The following ULK4 variants were observed in gnomAD, a reference collection of about 807,000 sequenced individuals.
ULK4 encodes the protein inactive serine/threonine-protein kinase ULK4.
In ULK4, 133 loss-of-function variants were observed where a neutral mutation model predicts 160.6. The ratio of observed to expected loss-of-function variants is 0.83; its 90% CI spans 0.72 to 0.96. The LOEUF (loss-of-function observed/expected upper bound fraction) is 0.96. ULK4 is among the 40% of genes least tolerant of loss of function. ULK4 has a pLI of 0.00. For synonymous variants in ULK4, 534 were observed against 539.8 expected (o/e 0.99, Z 0.15); for missense variants, 1,580 against 1,499.5 (o/e 1.05, Z -0.89).
Position 41,754,458 on chromosome 3 carries a change from C to T in ULK4, c.2224G>A (p.Asp742Asn). The change falls in exon 22 of 37, where the codon GAC becomes AAC. Residue 742 changes from aspartate (D) to asparagine (N), a missense_variant. Physicochemically the swap from Asp to Asn is conservative, Grantham distance 23. Transcript: ENST00000301831. ...GFVSTIIRLL[D>N]SPSTCIRAKA... ...GCTCTAATGCATGTTGAGGGGCTGTCAAGTAAACGGATAATTGTGGAGACA... is the reference window on the plus strand; with the variant it reads ...GCTCTAATGCATGTTGAGGGGCTGTTAAGTAAACGGATAATTGTGGAGACA... 1 of 1,613,180 alleles carries T rather than the reference C, an allele frequency of 6.2e-7. No homozygotes were observed. The highest frequency in any genetic ancestry group is 8.5e-7 in the Non-Finnish European group (1 of 1,179,614).
At chr3:41,908,327 A>G (rs775959421) in intron 11 of ULK4, among the ~76,000 whole-genome samples, 4 of 152,238 alleles carry the variant, frequency 2.6e-5, no homozygotes, top group South Asian at 2.1e-4. Context: ...CCTATTTAAA[A>G]TAAGTAACAA....
At chr3:41,944,079 C>T (rs1700041706) in intron 2 of ULK4, among the ~76,000 whole-genome samples, 1 of 152,142 alleles carries the variant, frequency 6.6e-6, no homozygotes, top group Admixed American at 6.5e-5. Flanking sequence ...TCCTGGAAAA[C>T]ACTTAATGGG....
At chr3:41,623,366 T>C (rs2033345647) in intron 30 of ULK4, among the ~76,000 whole-genome samples, 1 of 152,082 alleles carries the variant, frequency 6.6e-6, no homozygotes, top group Admixed American at 6.6e-5. Flanking sequence ...TACCAAAGAC[T>C]GAAGCACTTA....
chr3:41,474,809 A>AATG (rs2084089949), intron 32 of ULK4, among the ~76,000 whole-genome samples: 1 of 121,346 alleles, frequency 8.2e-6, no homozygotes, highest in Admixed American at 8.0e-5. Flanking sequence ...CATCTGTCAG[A>AATG]ATGATTATTA....
chr3:41,559,319 A>G (rs1442914886), intron 32 of ULK4, among the ~76,000 whole-genome samples: 2 of 130,894 alleles, frequency 1.5e-5, no homozygotes, highest in African/African-American at 2.6e-5. Context: ...TATTGTGAAT[A>G]GTGCTGCAAT....
intron 4 of ULK4, among the ~76,000 whole-genome samples, chr3:41,933,758 T>A (rs1266629400): frequency 6.6e-6 from 1 of 150,440 alleles, no homozygotes; most frequent in Admixed American, 6.6e-5. Flanking sequence ...AAAAAAATAA[T>A]GTGGTTTTTA....
chr3:41,899,823 C>T (rs1698288422), intron 13 of ULK4, among the ~76,000 whole-genome samples: 1 of 151,974 alleles, frequency 6.6e-6, no homozygotes, highest in South Asian at 2.1e-4. Flanking sequence ...TATGAACTCA[C>T]AAAAAGAAGT....
At chr3:41,273,102 A>C (rs1028112189) in intron 35 of ULK4, among the ~76,000 whole-genome samples, 1 of 152,222 alleles carries the variant, frequency 6.6e-6, no homozygotes, top group Non-Finnish European at 1.5e-5. Flanking sequence ...TGAAATTATA[A>C]AATTGTATAA....
intron 35 of ULK4, among the ~76,000 whole-genome samples, chr3:41,336,698 T>G (rs1210009187): frequency 1.3e-5 from 2 of 152,156 alleles, no homozygotes; most frequent in African/African-American, 4.8e-5. Context: ...CTCTCTTGGA[T>G]AGGTCTCCAG....
At chr3:41,743,386 A>G (rs1396989454) in intron 22 of ULK4, among the ~76,000 whole-genome samples, 1 of 151,876 alleles carries the variant, frequency 6.6e-6, no homozygotes, top group African/African-American at 2.4e-5. Flanking sequence ...TCAGGAATAA[A>G]GGAGGAATAA....
intron 13 of ULK4, among the ~76,000 whole-genome samples, chr3:41,900,094 ATT>A (rs1698297476): frequency 6.6e-6 from 1 of 152,214 alleles, no homozygotes; most frequent in South Asian, 2.1e-4. Flanking sequence ...TTAGAAATGA[ATT>A]TGTTTTTTAA....
At chr3:41,743,709 A>G (rs2038320713) in intron 22 of ULK4, among the ~76,000 whole-genome samples, 1 of 151,906 alleles carries the variant, frequency 6.6e-6, no homozygotes, top group African/African-American at 2.4e-5. Flanking sequence ...TCTGTTGCCC[A>G]GGCTGGAGTG....
At chr3:41,289,582 C>T (rs2079520276) in intron 35 of ULK4, among the ~76,000 whole-genome samples, 1 of 152,124 alleles carries the variant, frequency 6.6e-6, no homozygotes, top group African/African-American at 2.4e-5. Context: ...ACAATAAAAG[C>T]CTGGGCAGTA....
At chr3:41,341,553 T>C (rs999901267) in intron 35 of ULK4, among the ~76,000 whole-genome samples, 3 of 152,166 alleles carry the variant, frequency 2.0e-5, no homozygotes, top group African/African-American at 7.2e-5. Flanking sequence ...CCTTGAATAA[T>C]GGAGCAGTGC....
intron 35 of ULK4, among the ~76,000 whole-genome samples, chr3:41,250,553 C>G (rs1473331791): frequency 4.6e-5 from 7 of 152,176 alleles, no homozygotes; most frequent in Non-Finnish European, 2.9e-5. Context: ...GAAGGTGGAA[C>G]CAGGATGGCT....
rs75207131 is a variant in ULK4 at position 41,497,792 on chromosome 3, G to A, written c.3227-34539C>T. Among the ~76,000 whole-genome samples the A allele has an allele frequency of 4.5e-3, 687 of 152,210 alleles. 25 individuals are homozygous for A. The East Asian group carries it at 0.087, about 19-fold the overall frequency. On this transcript the variant is annotated intron_variant, in intron 32 of 36. Coordinates refer to ENST00000301831, the MANE Select transcript of ULK4 (RefSeq NM_017886.4). Reference sequence around the variant, plus strand: ...ACCTACTCACGAGGTTGAGGTGGGAGGACTGCCTGAGGTCAGGAGTTCAAG... The same window carrying A: ...ACCTACTCACGAGGTTGAGGTGGGAAGACTGCCTGAGGTCAGGAGTTCAAG...
intron 22 of ULK4, among the ~76,000 whole-genome samples, chr3:41,736,040 T>C (rs867967586): frequency 0.058 from 8,760 of 151,028 alleles, 338 homozygotes; most frequent in Non-Finnish European, 0.093. Flanking sequence ...TTTATGGCTG[T>C]ATAGTATTCC....
chr3:41,810,426 G>T (rs145302405), intron 19 of ULK4, among the ~76,000 whole-genome samples: 4 of 152,244 alleles, frequency 2.6e-5, no homozygotes, highest in African/African-American at 7.2e-5. Flanking sequence ...AGGTGGGTGG[G>T]ATTTTATTGC....
At chr3:41,503,787 AAAC>A (rs1252168517) in intron 32 of ULK4, among the ~76,000 whole-genome samples, 1 of 152,198 alleles carries the variant, frequency 6.6e-6, no homozygotes, top group Non-Finnish European at 1.5e-5. Flanking sequence ...AAATGATATA[AAAC>A]AATACTCTCT....
Sources: allele counts gnomAD v4.1 joint callset (sites outside exome capture counted in the v4.1 genomes callset), GRCh38; gene constraint gnomAD v4.1.1; transcripts MANE v1.5; gene names NCBI Gene and HGNC (gene_info 2026-07-23, HGNC 2026-07-21).